Variants in ERC1 observed in about 807,000 individuals in gnomAD.
ERC1 encodes ELKS/RAB6-interacting/CAST family member 1.
ERC1 carries 56 observed loss-of-function variants against 132.0 expected under a neutral mutation model. The ratio of observed to expected loss-of-function variants is 0.42; its 90% CI spans 0.34 to 0.53. ERC1 has a LOEUF of 0.53. Among genes scored for constraint, ERC1 ranks in the 20% least tolerant of loss-of-function variants. The pLI is 0.03. For synonymous variants in ERC1, 478 were observed against 476.1 expected, an observed-to-expected ratio of 1.00 and a Z score of -0.05; for missense variants, 1,202 against 1,349.9, an observed-to-expected ratio of 0.89 and a Z score of 1.72.
At position 1,282,768 on chromosome 12, in the gene ERC1, C is replaced by T. The variant is rs141369986; in HGVS notation, c.2620-7084C>T. Among the ~76,000 whole-genome samples the T allele has an allele frequency of 1.2e-3, 179 of 152,280 alleles. 2 individuals are homozygous for T. The East Asian group carries it at 0.027, about 23-fold the overall frequency. On this transcript the variant is annotated intron_variant, in intron 14 of 18. Coordinates refer to ENST00000360905, the MANE Select transcript of ERC1 (RefSeq NM_178040.4). ...CCTTTTTTTCTTCATAATTATAAAA[C>T]AGTAGGTTTTAATCTGGAACTTTGT...
At chr12:1,026,506 A>G (rs1468124209) in intron 1 of ERC1, among the ~76,000 whole-genome samples, 1 of 152,236 alleles carries the variant, frequency 6.6e-6, no homozygotes, top group Non-Finnish European at 1.5e-5. Context: ...ACAAGGCTAC[A>G]ATACTTTGTA....
intron 15 of ERC1, among the ~76,000 whole-genome samples, chr12:1,299,814 C>T (rs1029273988): frequency 6.6e-6 from 1 of 152,088 alleles, no homozygotes; most frequent in African/African-American, 2.4e-5. Context: ...GTTATCACTC[C>T]AGTTTCTAAA....
intron 2 of ERC1, among the ~76,000 whole-genome samples, chr12:1,070,924 C>G (rs899997776): frequency 6.6e-6 from 1 of 152,198 alleles, no homozygotes; most frequent in East Asian, 1.9e-4. Flanking sequence ...TACGTGTTCT[C>G]GAACTTCATT....
chr12:1,136,621 C>T (rs1440978338), intron 7 of ERC1, among the ~76,000 whole-genome samples: 11 of 152,172 alleles, frequency 7.2e-5, no homozygotes, highest in Admixed American at 7.2e-4. Flanking sequence ...CACTGACTTC[C>T]ATTTGCAAGT....
chr12:1,455,727 C>T (rs552450196), intron 18 of ERC1, among the ~76,000 whole-genome samples: 8 of 152,272 alleles, frequency 5.3e-5, no homozygotes, highest in African/African-American at 1.7e-4. Context: ...TTTGACAAGT[C>T]GCCTTTCCCT....
chr12:1,099,285 A>G (rs1476905843), intron 3 of ERC1, among the ~76,000 whole-genome samples: 1 of 152,208 alleles, frequency 6.6e-6, no homozygotes, highest in Non-Finnish European at 1.5e-5. Flanking sequence ...CAGGGCAGGC[A>G]TTTGAACACC....
At position 1,487,826 on chromosome 12, in the gene ERC1, A is replaced by AGAG. The variant is rs1565539536; in HGVS notation, c.3214-2267_3214-2266insGAG. 4.5e-3 allele frequency among the ~76,000 whole-genome samples: 659 copies of AGAG among 145,560 alleles called. 2 individuals are homozygous for AGAG. The highest frequency in any genetic ancestry group is 0.016 in the African/African-American group (625 of 39,932). ...AAAAGAAACGAGAGAGAGAGAGAGAAAGAAAAGAAAAGAAAGGAAAGAGAG... is the reference window on the plus strand; with the variant it reads ...AAAAGAAACGAGAGAGAGAGAGAGAAGAGAGAAAAGAAAAGAAAGGAAAGAGAG... On this transcript the variant is annotated intron_variant, in intron 18 of 18. Coordinates refer to ENST00000360905, the MANE Select transcript of ERC1 (RefSeq NM_178040.4).
chr12:1,142,225 A>T (rs1222053346), intron 8 of ERC1, among the ~76,000 whole-genome samples: 3 of 152,164 alleles, frequency 2.0e-5, no homozygotes, highest in Non-Finnish European at 4.4e-5. Flanking sequence ...AGCAAAAAAA[A>T]TGTGTGTGTG....
At chr12:1,117,135 A>C (rs1051313314) in intron 7 of ERC1, among the ~76,000 whole-genome samples, 4 of 152,222 alleles carry the variant, frequency 2.6e-5, no homozygotes. Flanking sequence ...ATAGATAAGT[A>C]GTTTTGCTTT....
At chr12:1,387,676 A>T (rs12422537) in intron 16 of ERC1, among the ~76,000 whole-genome samples, 3 of 152,122 alleles carry the variant, frequency 2.0e-5, no homozygotes, top group Non-Finnish European at 2.9e-5. Flanking sequence ...CAGTCACTGA[A>T]GCCAAAAGAG....
At chr12:1,110,877 T>C (rs1226014465) in intron 5 of ERC1, among the ~76,000 whole-genome samples, 1 of 152,130 alleles carries the variant, frequency 6.6e-6, no homozygotes, top group Admixed American at 6.5e-5. Context: ...TAATTTTTTG[T>C]ATTTTTTGTA....
At chr12:1,368,620 T>G (rs2086884073) in intron 15 of ERC1, among the ~76,000 whole-genome samples, 1 of 152,188 alleles carries the variant, frequency 6.6e-6, no homozygotes, top group South Asian at 2.1e-4. Flanking sequence ...ATTTTCGTAT[T>G]CCCTAAAAGT....
Position 1,492,243 on chromosome 12 carries a change from A to T in ERC1, c.*2013A>T. ...AGAGGGGTGCAGGGGTTAGATAGTA[A>T]GTGGTGGTCGTTTGTGGTCAGTTAC... On this transcript the variant is annotated 3_prime_UTR_variant, in exon 19 of 19. Transcript: ENST00000360905. The T allele has an allele frequency of 4.3e-6, 1 of 233,284 alleles. No homozygotes were observed. The highest frequency in any genetic ancestry group is 8.5e-6 in the Non-Finnish European group (1 of 118,052). The allele number at this position is 233,284 out of a possible 1,614,324, so 14.5% of individuals were successfully genotyped here.
intron 15 of ERC1, among the ~76,000 whole-genome samples, chr12:1,296,837 A>G (rs540435992): frequency 1.1e-3 from 160 of 152,252 alleles, no homozygotes; most frequent in Non-Finnish European, 2.1e-3. Flanking sequence ...CCTCAGTGAC[A>G]TGTAGGACAA....
intron 14 of ERC1, among the ~76,000 whole-genome samples, chr12:1,264,875 G>T (rs2077379932): frequency 6.6e-6 from 1 of 152,080 alleles, no homozygotes; most frequent in Non-Finnish European, 1.5e-5. Context: ...AGTAAAGAAG[G>T]GTATGTTTCC....
chr12:1,303,127 G>A (rs895254647), intron 15 of ERC1, among the ~76,000 whole-genome samples: 15 of 152,208 alleles, frequency 9.9e-5, no homozygotes, highest in Non-Finnish European at 7.3e-5. Flanking sequence ...GGAGGGTCCT[G>A]CCTCTATCTT....
At chr12:1,098,856 G>A (rs1376961557) in intron 3 of ERC1, among the ~76,000 whole-genome samples, 1 of 152,186 alleles carries the variant, frequency 6.6e-6, no homozygotes. Flanking sequence ...GGTTAGAACT[G>A]ATCACCTGGT....
At chr12:1,177,614 A>G (rs554978354) in intron 8 of ERC1, among the ~76,000 whole-genome samples, 1 of 152,326 alleles carries the variant, frequency 6.6e-6, no homozygotes, top group African/African-American at 2.4e-5. Context: ...ATACGGGCAG[A>G]GTTCATGGCA....
Position 1,028,484 on chromosome 12 carries a change from T to C in ERC1, c.581T>C (p.Leu194Pro). 6.2e-7 allele frequency: 1 copy of C among 1,614,138 alleles called. No homozygotes were observed. The highest frequency in any genetic ancestry group is 8.5e-7 in the Non-Finnish European group (1 of 1,180,028). Residue 194 changes from leucine to proline, a missense_variant, in exon 2 of 19, where the codon CTG becomes CCG. Transcript: ENST00000360905. ...NSIKTFWSPE[L>P]KKERALRKDE... ...ATCAAGACCTTCTGGAGCCCAGAGC[T>C]GAAGAAGGAACGAGCCCTGAGAAAA...
Sources: gnomAD v4.1 joint callset for allele counts (sites outside exome capture counted in the v4.1 genomes callset) on GRCh38, gnomAD v4.1.1 for gene constraint, MANE v1.5 for transcripts, NCBI Gene and HGNC (gene_info 2026-07-23, HGNC 2026-07-21) for gene names.